Variants in ADGRV1 observed in about 807,000 individuals in gnomAD.
The protein encoded by ADGRV1 is G-protein coupled receptor 98.
A neutral mutation model predicts 596.2 loss-of-function variants in ADGRV1; 359 were observed. The observed-to-expected ratio is 0.60, with a 90% confidence interval of 0.55 to 0.66. ADGRV1 has a LOEUF of 0.66. Among genes scored for constraint, ADGRV1 ranks in the 30% least tolerant of loss-of-function variants. The pLI, the probability that ADGRV1 is intolerant of heterozygous loss-of-function variation, is 0.00. For synonymous variants in ADGRV1, 2,681 were observed against 2,679.2 expected (o/e 1.00, Z -0.02); for missense variants, 7,274 against 7,575.6 (o/e 0.96, Z 1.48).
chr5:91,082,845 T>A (rs1166996586), intron 86 of ADGRV1, among the ~76,000 whole-genome samples: 1 of 152,202 alleles, frequency 6.6e-6, no homozygotes, highest in South Asian at 2.1e-4. Flanking sequence ...TGCAACTTTT[T>A]CCATGTATTA....
At chr5:90,839,333 G>A (rs1487298791) in intron 77 of ADGRV1, among the ~76,000 whole-genome samples, 1 of 152,192 alleles carries the variant, frequency 6.6e-6, no homozygotes, top group Non-Finnish European at 1.5e-5. Flanking sequence ...TCCTGCCGCA[G>A]CGTCCCCAGT....
At chr5:90,847,936 A>AAGCGCGGCC (rs1766078446) in intron 78 of ADGRV1, among the ~76,000 whole-genome samples, 1 of 152,058 alleles carries the variant, frequency 6.6e-6, no homozygotes, top group African/African-American at 2.4e-5. Context: ...AGGGCTCCTC[A>AAGCGCGGCC]AGCGCGGCCA....
At chr5:90,795,630 A>T (rs1334948499) in intron 70 of ADGRV1, among the ~76,000 whole-genome samples, 1 of 152,186 alleles carries the variant, frequency 6.6e-6, no homozygotes, top group East Asian at 1.9e-4. Context: ...ATCTCCCAGC[A>T]CAGCGTTCAA....
intron 1 of ADGRV1, among the ~76,000 whole-genome samples, chr5:90,592,633 C>T (rs1759665887): frequency 6.6e-6 from 1 of 152,108 alleles, no homozygotes; most frequent in Non-Finnish European, 1.5e-5. Context: ...TTCTGCACAG[C>T]AAAAGAAACT....
chr5:90,665,237 T>C (rs1242370512), intron 21 of ADGRV1, among the ~76,000 whole-genome samples: 4 of 152,138 alleles, frequency 2.6e-5, no homozygotes, highest in Non-Finnish European at 5.9e-5. Context: ...TGAATCCGTT[T>C]GGTCCTGGAC....
chr5:90,695,293 A>G (rs1747041966), intron 33 of ADGRV1, among the ~76,000 whole-genome samples: 1 of 152,174 alleles, frequency 6.6e-6, no homozygotes, highest in Non-Finnish European at 1.5e-5. Flanking sequence ...CTGATATTTT[A>G]CATGATCAGC....
chr5:91,052,516 C>A (rs922740284), intron 85 of ADGRV1, among the ~76,000 whole-genome samples: 2 of 151,768 alleles, frequency 1.3e-5, no homozygotes, highest in African/African-American at 4.8e-5. Flanking sequence ...CTCACTGCAG[C>A]CTCCACCTCC....
chr5:91,036,554 T>A (rs1784928637), intron 85 of ADGRV1, among the ~76,000 whole-genome samples: 1 of 141,154 alleles, frequency 7.1e-6, no homozygotes, highest in South Asian at 2.5e-4. Flanking sequence ...AAAGCGAGAC[T>A]CCGTCTTAAA....
At chr5:90,758,282 G>A (rs1756061170) in intron 57 of ADGRV1, among the ~76,000 whole-genome samples, 1 of 152,014 alleles carries the variant, frequency 6.6e-6, no homozygotes, top group Admixed American at 6.6e-5. Context: ...GCAGTGAGCC[G>A]AGATTGCACC....
At chr5:90,930,596 G>A (rs1207461236) in intron 83 of ADGRV1, among the ~76,000 whole-genome samples, 8 of 151,950 alleles carry the variant, frequency 5.3e-5, no homozygotes, top group Admixed American at 4.6e-4. Flanking sequence ...CCAAATATTA[G>A]TGTTAGCCAA....
chr5:90,654,433 G>A (rs1769105278), intron 20 of ADGRV1: 1 of 184,900 alleles, frequency 5.4e-6, no homozygotes, highest in South Asian at 1.1e-4. Flanking sequence ...GAATCACAGT[G>A]AAAAGTGATT....
rs1377988713 is a variant in ADGRV1 at position 90,928,973 on chromosome 5, G to T, written c.17857-36442G>T. On this transcript the variant is annotated intron_variant, in intron 83 of 89. Coordinates refer to ENST00000405460, the MANE Select transcript of ADGRV1 (RefSeq NM_032119.4). ...GTCAGGGGTCAGGGACCCACTTGAG[G>T]AGGCAGTCTGCCCGTTCTCAGATCT... Among the ~76,000 whole-genome samples, 8 of 148,880 alleles carry T rather than the reference G, an allele frequency of 5.4e-5. No individual in the cohort carries two copies. The East Asian group carries it at 5.9e-4, about 11-fold the overall frequency.
chr5:90,822,481 G>C (rs1763654948), intron 75 of ADGRV1, among the ~76,000 whole-genome samples: 1 of 152,120 alleles, frequency 6.6e-6, no homozygotes, highest in South Asian at 2.1e-4. Flanking sequence ...CTGTTCCATT[G>C]ATCTGTATCT....
At chr5:90,979,686 A>G (rs1394347118) in intron 84 of ADGRV1, among the ~76,000 whole-genome samples, 1 of 152,186 alleles carries the variant, frequency 6.6e-6, no homozygotes, top group East Asian at 1.9e-4. Context: ...CATCCATGCC[A>G]TTAGTGTTTT....
intron 85 of ADGRV1, among the ~76,000 whole-genome samples, chr5:91,065,079 G>A (rs1787770001): frequency 6.6e-6 from 1 of 152,120 alleles, no homozygotes; most frequent in African/African-American, 2.4e-5. Context: ...AAACCAATAA[G>A]CAGATATACT....
chr5:91,108,374 A>G (rs1347894102), intron 87 of ADGRV1, among the ~76,000 whole-genome samples: 2 of 152,112 alleles, frequency 1.3e-5, no homozygotes, highest in East Asian at 3.8e-4. Context: ...AAAGCATATT[A>G]TGTATCTTAT....
At chr5:90,559,557 T>C (rs1431067283) in intron 1 of ADGRV1, among the ~76,000 whole-genome samples, 15 of 152,204 alleles carry the variant, frequency 9.9e-5, no homozygotes, top group Non-Finnish European at 2.2e-4. Context: ...ATTATAGCAG[T>C]GTTCGTCAGG....
At chr5:91,025,919 AAG>A (rs1465977837) in intron 85 of ADGRV1, among the ~76,000 whole-genome samples, 2 of 152,158 alleles carry the variant, frequency 1.3e-5, no homozygotes, top group Admixed American at 6.5e-5. Context: ...GACAGACTTG[AAG>A]AGTTAGGCAC....
chr5:90,709,911 G>T (rs1045854524), intron 39 of ADGRV1, among the ~76,000 whole-genome samples: 1 of 152,154 alleles, frequency 6.6e-6, no homozygotes, highest in Admixed American at 6.5e-5. Flanking sequence ...CAAGTGCTTT[G>T]TAGATTAGTA....
Sources: gnomAD v4.1 joint callset for allele counts (sites outside exome capture counted in the v4.1 genomes callset) on GRCh38, gnomAD v4.1.1 for gene constraint, MANE v1.5 for transcripts, NCBI Gene and HGNC (gene_info 2026-07-23, HGNC 2026-07-21) for gene names.